Variants in BBS4 observed in about 807,000 individuals in gnomAD.
BBS4 encodes BBSome complex member BBS4.
BBS4 carries 58 observed loss-of-function variants against 71.4 expected under a neutral mutation model. The observed-to-expected ratio is 0.81, with a 90% confidence interval of 0.66 to 1.01. The LOEUF (loss-of-function observed/expected upper bound fraction) is 1.01. BBS4 is among the 50% of genes least tolerant of loss of function. The pLI, the probability that BBS4 is intolerant of heterozygous loss-of-function variation, is 0.00. For missense variants in BBS4, 660 were observed against 607.9 expected (o/e 1.09, Z -0.90); for synonymous variants, 228 against 216.8 (o/e 1.05, Z -0.46).
intron 9 of BBS4, 56 bp downstream of exon 9, chr15:72,728,050 G>A: frequency 7.6e-7 from 1 of 1,309,900 alleles, no homozygotes; most frequent in Non-Finnish European, 1.1e-6. Context: ...TTTTGGGTTT[G>A]TGTGTATGGT....
rs146238636 is a variant in BBS4, at chr15:72,686,214, T to G, written c.-14T>G. 1.9e-5 allele frequency: 30 copies of G among 1,559,340 alleles called. No individual in the cohort carries two copies. The highest frequency in any genetic ancestry group is 2.4e-5 in the Non-Finnish European group (28 of 1,152,780). ...CCGCCGACTTCCGGCCGCGCAGCGG[T>G]GGGCTGAGCTAAAATGGCTGAGGAG... On this transcript the variant is annotated 5_prime_UTR_variant, in exon 1 of 16. Transcript: ENST00000268057.
intron 13 of BBS4, 79 bp from the exon 14 acceptor site, chr15:72,735,746 T>C: frequency 6.3e-7 from 1 of 1,583,410 alleles, no homozygotes; most frequent in South Asian, 1.1e-5. Context: ...TTTTGTTTTG[T>C]TTTTGTGTAA....
intron 9 of BBS4, 48 bp from the exon 10 acceptor site, chr15:72,729,568 T>G (rs866372167): frequency 1.9e-6 from 3 of 1,582,384 alleles, no homozygotes; most frequent in African/African-American, 2.7e-5. Flanking sequence ...CTCTTTTAAC[T>G]GCCGTCTCCT....
intron 1 of BBS4, 168 bp downstream of exon 1, chr15:72,686,419 C>T (rs1175010292): frequency 6.5e-7 from 1 of 1,534,414 alleles, no homozygotes; most frequent in Admixed American, 2.0e-5. Flanking sequence ...AACTGGTCGC[C>T]TGGGGCAAGT....
chr15:72,737,077 AT>A (rs758661271), intron 15 of BBS4, 114 bp downstream of exon 15: 59 of 1,302,706 alleles, frequency 4.5e-5, no homozygotes, highest in Admixed American at 1.2e-4. Context: ...CCAACGTAGT[AT>A]TGGCCACAAG....
intron 10 of BBS4, among the ~76,000 whole-genome samples, chr15:72,730,979 C>T (rs1042166358): frequency 1.4e-5 from 2 of 147,884 alleles, no homozygotes; most frequent in Non-Finnish European, 3.0e-5. Flanking sequence ...GAAGTTTTTA[C>T]TTAAAGGGCT....
chr15:72,732,641 AC>A (rs1201268924), intron 12 of BBS4, among the ~76,000 whole-genome samples: 1 of 152,200 alleles, frequency 6.6e-6, no homozygotes, highest in Non-Finnish European at 1.5e-5. Flanking sequence ...TAAAAAAAAA[AC>A]ATAGGTTTTA....
chr15:72,701,747 C>T (rs1265850255), intron 2 of BBS4, among the ~76,000 whole-genome samples: 1 of 152,086 alleles, frequency 6.6e-6, no homozygotes, highest in Non-Finnish European at 1.5e-5. Flanking sequence ...TTTAAGAAAA[C>T]CAACTAGTTA....
intron 1 of BBS4, among the ~76,000 whole-genome samples, chr15:72,687,123 A>ACTTTTTTTTTTTTTTTTTTT (rs2064865445): frequency 8.3e-5 from 1 of 11,982 alleles, no homozygotes; most frequent in Non-Finnish European, 2.7e-4. Flanking sequence ...GAAGACAGAA[A>ACTTTTTTTTTTTTTTTTTTT]CTTTTTTTTT....
In BBS4 at chr15:72,731,685, A is replaced by G. The variant is rs769043307; in HGVS notation, c.995A>G (p.Asn332Ser). 1.9e-6 allele frequency: 3 copies of G among 1,614,232 alleles called. No individual in the cohort carries two copies. Among genetic ancestry groups the G allele is most frequent in the South Asian group, 1.1e-5 (1 of 91,086 alleles). ...TTTCATTTTCTCAGTGCGGCCATCA[A>G]CTTCCAGCCAAAGATGGGGGAGCTC... ...SAFHFLSAAI[N>S]FQPKMGELYM... is the part of the protein sequence containing the mutation. Residue 332 changes from asparagine to serine, a missense_variant, in exon 12 of 16, where the codon AAC (asparagine) becomes AGC (serine). Transcript: ENST00000268057.
In BBS4 at chr15:72,702,714, G is replaced by C. The variant is rs545202989; in HGVS notation, c.77-6986G>C. ...ATCATCATTTATGTACCTGAACAGA[G>C]TAGATGTTTCTCTTGATCCTGGGCC... On this transcript the variant is annotated intron_variant, in intron 2 of 15. Transcript: ENST00000268057. Among the ~76,000 whole-genome samples, 103 of 149,200 alleles carry C rather than the reference G, an allele frequency of 6.9e-4. 1 individual carries two copies. The highest frequency in any genetic ancestry group is 1.4e-3 in the Non-Finnish European group (91 of 67,076).
intron 1 of BBS4, 99 bp downstream of exon 1, chr15:72,686,350 T>C: frequency 6.5e-7 from 1 of 1,542,824 alleles, no homozygotes; most frequent in Non-Finnish European, 8.7e-7. Flanking sequence ...GAGGCGGAGC[T>C]GGGTGCCGAG....
At chr15:72,702,828 G>A (rs1329993924) in intron 2 of BBS4, among the ~76,000 whole-genome samples, 2 of 13,832 alleles carry the variant, frequency 1.4e-4, no homozygotes, top group Admixed American at 1.5e-3. Flanking sequence ...TTTTTTTTGA[G>A]ACGGAGTCTC....
intron 12 of BBS4, 21 bp downstream of exon 12, chr15:72,731,747 A>C: frequency 6.2e-7 from 1 of 1,613,850 alleles, no homozygotes; most frequent in Non-Finnish European, 8.5e-7. Context: ...TTTATGTGGA[A>C]AACTCTCTCT....
chr15:72,708,478 T>C (rs2065305478), intron 2 of BBS4, among the ~76,000 whole-genome samples: 1 of 152,154 alleles, frequency 6.6e-6, no homozygotes, highest in Non-Finnish European at 1.5e-5. Flanking sequence ...GTACCTCACC[T>C]CAGGGCCACT....
At position 72,737,623 on chromosome 15, in the gene BBS4, G is replaced by T; in HGVS notation, c.*36G>T. 6.7e-7 allele frequency: 1 copy of T among 1,500,086 alleles called. No homozygotes were observed. The highest frequency in any genetic ancestry group is 1.2e-5 in the South Asian group (1 of 83,656). 92.9% of individuals were successfully genotyped at this position (1,500,086 alleles called of 1,614,324 possible). A position where few individuals can be genotyped will look rare whatever the true frequency, so the allele number is the denominator to read the frequency against. ...AATGACCCCAAAATAGGGTTTTCTT[G>T]GGCGAGGATGTGCTGGATTAGGAAA... On this transcript the variant is annotated 3_prime_UTR_variant, in exon 16 of 16. Coordinates refer to ENST00000268057, the MANE Select transcript of BBS4 (RefSeq NM_033028.5).
rs59816410 is a variant in BBS4, at chr15:72,702,802, C to CTTTTTTTTT, written c.77-6883_77-6875dup. ...TTTTTGGTATAGTGAGGAGCTGACT[C>CTTTTTTTTT]TTTTTTTTTTTTTTTTTTTTTTTGA... On this transcript the variant is annotated intron_variant, in intron 2 of 15. Coordinates refer to ENST00000268057, the MANE Select transcript of BBS4 (RefSeq NM_033028.5). Among the ~76,000 whole-genome samples the CTTTTTTTTT allele has an allele frequency of 8.7e-4, 64 of 73,484 alleles. 7 individuals are homozygous for CTTTTTTTTT. The highest frequency in any genetic ancestry group is 1.9e-3 in the Admixed American group (8 of 4,226). 48.2% of individuals were successfully genotyped at this position (73,484 alleles called of 152,430 possible). A position where few individuals can be genotyped will look rare whatever the true frequency, so the allele number is the denominator to read the frequency against.
chr15:72,725,790 TC>T (rs2065668274), intron 8 of BBS4, among the ~76,000 whole-genome samples: 1 of 35,822 alleles, frequency 2.8e-5, no homozygotes, highest in Non-Finnish European at 5.2e-5. Context: ...CCTTCCTCCT[TC>T]CCTCTTCCCC....
intron 13 of BBS4, 187 bp from the exon 14 acceptor site, chr15:72,735,638 G>A: frequency 1.3e-6 from 1 of 757,032 alleles, no homozygotes; most frequent in Non-Finnish European, 2.3e-6. Context: ...TACCAGCTTT[G>A]CTTGTTAGGC....
Sources: allele counts gnomAD v4.1 joint callset (sites outside exome capture counted in the v4.1 genomes callset), GRCh38; gene constraint gnomAD v4.1.1; transcripts MANE v1.5; gene names NCBI Gene and HGNC (gene_info 2026-07-23, HGNC 2026-07-21).